Variants in FBXL2 observed in about 807,000 individuals in gnomAD.
FBXL2 encodes the protein F-box/LRR-repeat protein 2.
Under a neutral mutation model 69.2 loss-of-function variants are expected in FBXL2, and 38 were observed. The ratio of observed to expected loss-of-function variants is 0.55; its 90% CI spans 0.42 to 0.72. The LOEUF is 0.72. FBXL2 is among the 30% of genes least tolerant of loss of function. The pLI is 0.00. For missense variants in FBXL2, 354 were observed against 520.3 expected (o/e 0.68, Z 3.11); for synonymous variants, 192 against 201.3 (o/e 0.95, Z 0.39).
chr3:33,418,871 A>G, the FBXL2 span, among the ~76,000 whole-genome samples: 6 of 151,576 alleles, frequency 4.0e-5, no homozygotes, highest in Non-Finnish European at 7.4e-5. Context: ...AAAAAAAAAA[A>G]AAAAAAAAAA....
upstream of FBXL2, chr3:33,277,244 C>T: frequency 2.6e-6 from 1 of 387,840 alleles, no homozygotes; most frequent in Non-Finnish European, 4.5e-6. Context: ...GGTAATCTGT[C>T]AGGTGAGGGA....
chr3:33,390,289 G>GT, downstream of FBXL2: 1 of 1,585,860 alleles, frequency 6.3e-7, no homozygotes, highest in African/African-American at 1.3e-5. Flanking sequence ...ACTTTTAAGC[G>GT]TGACTATTTG....
intron 2 of FBXL2, among the ~76,000 whole-genome samples, chr3:33,313,347 C>T (rs1158187114): frequency 6.6e-6 from 1 of 151,818 alleles, no homozygotes; most frequent in Non-Finnish European, 1.5e-5. Flanking sequence ...CATAACCTTT[C>T]CTTCCAAAAA....
chr3:33,286,683 C>T (rs908554029), intron 1 of FBXL2, among the ~76,000 whole-genome samples: 14 of 152,240 alleles, frequency 9.2e-5, no homozygotes, highest in African/African-American at 2.4e-4. Flanking sequence ...CAGTGGGCTC[C>T]GCCCAGTTCG....
chr3:33,311,715 C>T (rs113171754), intron 2 of FBXL2, among the ~76,000 whole-genome samples: 1 of 152,150 alleles, frequency 6.6e-6, no homozygotes, highest in African/African-American at 2.4e-5. Flanking sequence ...ACCTCCGCCT[C>T]CCAGGTTCAA....
intron 13 of FBXL2, among the ~76,000 whole-genome samples, chr3:33,382,080 T>G (rs1414821670): frequency 6.6e-6 from 1 of 152,180 alleles, no homozygotes; most frequent in Non-Finnish European, 1.5e-5. Flanking sequence ...TCTTAGATTT[T>G]TTTATTCTGC....
the FBXL2 span, among the ~76,000 whole-genome samples, chr3:33,413,402 C>G: frequency 1.8e-4 from 28 of 151,798 alleles, no homozygotes; most frequent in Non-Finnish European, 3.8e-4. Flanking sequence ...AAAAAATTAG[C>G]CAGGCATGGT....
intron 13 of FBXL2, among the ~76,000 whole-genome samples, chr3:33,380,781 A>C (rs1194841431): frequency 6.6e-6 from 1 of 152,158 alleles, no homozygotes; most frequent in Non-Finnish European, 1.5e-5. Flanking sequence ...ATGGCAATTA[A>C]AAGTAACCAC....
chr3:33,341,166 G>T (rs554359070), intron 2 of FBXL2, among the ~76,000 whole-genome samples: 79 of 152,266 alleles, frequency 5.2e-4, no homozygotes, highest in African/African-American at 1.6e-3. Context: ...TTGTGAAGTA[G>T]TCTTGCTCAG....
In FBXL2 at chr3:33,386,713, G is replaced by C. The variant is rs572866359; in HGVS notation, c.*1105G>C. The C allele has an allele frequency of 2.6e-5, 4 of 152,286 alleles. No homozygotes were observed. Among genetic ancestry groups the C allele is most frequent in the African/African-American group, 9.6e-5 (4 of 41,560 alleles). The allele number at this position is 152,286 out of a possible 1,614,324, so 9.4% of individuals were successfully genotyped here. A position where few individuals can be genotyped will look rare whatever the true frequency, so the allele number is the denominator to read the frequency against. On this transcript the variant is annotated 3_prime_UTR_variant, in exon 15 of 15. Transcript: ENST00000484457. ...CCATTTTCCAAATGCAGACCTTCCT[G>C]ATGTTATCTGAAATCTGATAAAATG... is the stretch of plus-strand genomic sequence containing the variant.
intron 13 of FBXL2, chr3:33,383,323 G>T (rs1196761512): frequency 6.5e-6 from 1 of 152,724 alleles, no homozygotes; most frequent in African/African-American, 2.4e-5. Flanking sequence ...TGCACTGGGG[G>T]AAACTGTCAG....
chr3:33,413,556 A>AC, the FBXL2 span, among the ~76,000 whole-genome samples: 2 of 151,782 alleles, frequency 1.3e-5, no homozygotes, highest in Admixed American at 1.3e-4. Context: ...CAAAAAAAAA[A>AC]AAAAAAAAAC....
chr3:33,282,286 C>G (rs1354039991), intron 1 of FBXL2, among the ~76,000 whole-genome samples: 2 of 152,132 alleles, frequency 1.3e-5, no homozygotes, highest in African/African-American at 4.8e-5. Context: ...TTTCCCAGCA[C>G]CATTTATTAA....
intron 2 of FBXL2, among the ~76,000 whole-genome samples, chr3:33,353,307 A>T (rs1488767060): frequency 6.6e-6 from 1 of 152,248 alleles, no homozygotes; most frequent in African/African-American, 2.4e-5. Context: ...GAAAATTTAT[A>T]TCCACACAAA....
downstream of FBXL2, chr3:33,390,214 T>A: frequency 9.5e-7 from 1 of 1,052,940 alleles, no homozygotes. Flanking sequence ...ATCTTGTGTT[T>A]TCAATATGAA....
At chr3:33,377,195 A>C (rs1188819185) in intron 10 of FBXL2, 78 bp from the exon 11 acceptor site, 2 of 1,344,850 alleles carry the variant, frequency 1.5e-6, no homozygotes, top group Admixed American at 1.7e-5. Context: ...AAAAGACTCA[A>C]GTATGCATCA....
chr3:33,311,936 T>C (rs1163832386), intron 2 of FBXL2, among the ~76,000 whole-genome samples: 1 of 152,232 alleles, frequency 6.6e-6, no homozygotes, highest in Non-Finnish European at 1.5e-5. Flanking sequence ...TTGGTTCTTT[T>C]TATGATTTCT....
chr3:33,405,377 GA>G (rs1639179131), downstream of FBXL2, among the ~76,000 whole-genome samples: 2 of 152,172 alleles, frequency 1.3e-5, no homozygotes, highest in African/African-American at 2.4e-5. Context: ...TGCACTTCAA[GA>G]GTAATGTCAC....
At chr3:33,289,646 G>A (rs2035026305) in intron 1 of FBXL2, 1 of 438,282 alleles carries the variant, frequency 2.3e-6, no homozygotes. Flanking sequence ...ACATAGGCTG[G>A]AGTGACAGTT....
Sources: allele counts gnomAD v4.1 joint callset (sites outside exome capture counted in the v4.1 genomes callset), GRCh38; gene constraint gnomAD v4.1.1; transcripts MANE v1.5; gene names NCBI Gene and HGNC (gene_info 2026-07-23, HGNC 2026-07-21).